Variants in LRRC4C observed in about 807,000 individuals in gnomAD.
LRRC4C encodes the protein leucine rich repeat containing 4C, also known as leucine-rich repeat-containing protein 4C.
A neutral mutation model predicts 33.6 loss-of-function variants in LRRC4C; 5 were observed. The ratio of observed to expected loss-of-function variants is 0.15; its 90% CI spans 0.08 to 0.31. The LOEUF (loss-of-function observed/expected upper bound fraction) is 0.31. Among genes scored for constraint, LRRC4C ranks in the 10% least tolerant of loss-of-function variants. LRRC4C has a pLI of 1.00. For missense variants in LRRC4C, 560 were observed against 796.7 expected, an observed-to-expected ratio of 0.70 and a Z score of 3.58; for synonymous variants, 329 against 302.0, an observed-to-expected ratio of 1.09 and a Z score of -0.93.
chr11:40,175,344 C>T (rs1372782225), intron 5 of LRRC4C, among the ~76,000 whole-genome samples: 5 of 152,218 alleles, frequency 3.3e-5, no homozygotes, highest in Non-Finnish European at 5.9e-5. Flanking sequence ...TGCCTTAACT[C>T]AACATCCAGG....
chr11:41,196,389 C>T (rs1009168242), intron 1 of LRRC4C, among the ~76,000 whole-genome samples: 5 of 152,040 alleles, frequency 3.3e-5, no homozygotes, highest in African/African-American at 1.2e-4. Context: ...AGACACTCAT[C>T]AACATAAGAG....
chr11:40,162,531 C>T (rs1859240433), intron 5 of LRRC4C, among the ~76,000 whole-genome samples: 1 of 152,136 alleles, frequency 6.6e-6, no homozygotes, highest in African/African-American at 2.4e-5. Flanking sequence ...TGGGAGATCA[C>T]TCTGCAACTT....
chr11:40,364,617 C>T (rs1432683701), intron 3 of LRRC4C, among the ~76,000 whole-genome samples: 1 of 151,992 alleles, frequency 6.6e-6, no homozygotes, highest in Non-Finnish European at 1.5e-5. Context: ...GTAAGGATGT[C>T]TCAGAATTGT....
At chr11:40,475,954 A>AT (rs1288221509) in intron 3 of LRRC4C, among the ~76,000 whole-genome samples, 1 of 151,994 alleles carries the variant, frequency 6.6e-6, no homozygotes, top group African/African-American at 2.4e-5. Context: ...AGACTCAATA[A>AT]TTTTTTGCTG....
intron 4 of LRRC4C, among the ~76,000 whole-genome samples, chr11:40,305,000 C>T (rs1320246631): frequency 3.3e-5 from 5 of 152,152 alleles, no homozygotes; most frequent in Admixed American, 6.5e-5. Flanking sequence ...CTCTTGACCT[C>T]GTGATCTACC....
intron 2 of LRRC4C, among the ~76,000 whole-genome samples, chr11:40,844,602 T>A (rs745914001): frequency 1.3e-5 from 2 of 152,190 alleles, no homozygotes; most frequent in Non-Finnish European, 2.9e-5. Context: ...AACTATTAGA[T>A]CAACTAATCT....
chr11:40,342,985 G>C (rs1471570341), intron 3 of LRRC4C, among the ~76,000 whole-genome samples: 1 of 151,936 alleles, frequency 6.6e-6, no homozygotes, highest in Non-Finnish European at 1.5e-5. Flanking sequence ...AAGTATAGTA[G>C]TAATGTTTCT....
chr11:40,371,149 A>G lies in LRRC4C; in HGVS notation c.-269-51428T>C, dbSNP rs1948432030. 2.0e-5 allele frequency among the ~76,000 whole-genome samples: 3 copies of G among 152,214 alleles called. No homozygotes were observed. The South Asian group carries it at 6.2e-4, about 32-fold the overall frequency. On this transcript the variant is annotated intron_variant, in intron 3 of 6. Transcript: ENST00000528697. ...TAGGAACGTTTCCCCAAAACTCTGA[A>G]ACATAAGATTCTTAGTTTTTACACT...
At chr11:40,475,089 A>T (rs373503279) in intron 3 of LRRC4C, among the ~76,000 whole-genome samples, 42 of 152,264 alleles carry the variant, frequency 2.8e-4, no homozygotes, top group East Asian at 9.7e-4. Context: ...TGATCCAGCA[A>T]TCCCTTTACT....
At chr11:41,230,917 A>C (rs866330943) in intron 1 of LRRC4C, among the ~76,000 whole-genome samples, 5 of 150,586 alleles carry the variant, frequency 3.3e-5, no homozygotes, top group Non-Finnish European at 4.4e-5. Context: ...AAAAAAAAAA[A>C]AAAAAACCAA....
intron 3 of LRRC4C, among the ~76,000 whole-genome samples, chr11:40,585,794 A>G (rs1260156832): frequency 7.3e-6 from 1 of 137,490 alleles, no homozygotes; most frequent in Non-Finnish European, 1.6e-5. Flanking sequence ...CCTACAAAGG[A>G]TATGAACTCA....
chr11:40,448,707 C>A (rs1040679173), intron 3 of LRRC4C, among the ~76,000 whole-genome samples: 4 of 152,166 alleles, frequency 2.6e-5, no homozygotes, highest in Non-Finnish European at 5.9e-5. Flanking sequence ...CTGCAATAAA[C>A]ATATGTGTGC....
chr11:41,433,403 G>A (rs541202273), intron 1 of LRRC4C, among the ~76,000 whole-genome samples: 2 of 151,978 alleles, frequency 1.3e-5, no homozygotes, highest in African/African-American at 4.8e-5. Flanking sequence ...ATTCCAAATT[G>A]GGCTTCTATA....
intron 4 of LRRC4C, among the ~76,000 whole-genome samples, chr11:40,245,518 G>A (rs971215513): frequency 6.6e-6 from 1 of 152,078 alleles, no homozygotes; most frequent in Non-Finnish European, 1.5e-5. Context: ...TACAACTTGT[G>A]GCTTTTGATG....
intron 1 of LRRC4C, among the ~76,000 whole-genome samples, chr11:41,263,334 A>T (rs2136755863): frequency 6.6e-6 from 1 of 152,320 alleles, no homozygotes; most frequent in South Asian, 2.1e-4. Context: ...ACAAGTGAGT[A>T]TTCTACTATT....
chr11:40,554,004 T>C (rs186111065), intron 3 of LRRC4C, among the ~76,000 whole-genome samples: 4 of 152,296 alleles, frequency 2.6e-5, no homozygotes, highest in Admixed American at 2.6e-4. Flanking sequence ...GAGGACTTAG[T>C]CATAAATTCT....
At chr11:40,346,327 A>G (rs2137048799) in intron 3 of LRRC4C, among the ~76,000 whole-genome samples, 1 of 152,370 alleles carries the variant, frequency 6.6e-6, no homozygotes, top group South Asian at 2.1e-4. Flanking sequence ...AGACTGGATA[A>G]AGAAAATGTG....
chr11:41,447,831 A>G (rs1017870217), intron 1 of LRRC4C, among the ~76,000 whole-genome samples: 5 of 152,216 alleles, frequency 3.3e-5, no homozygotes, highest in African/African-American at 1.2e-4. Context: ...AAGAAAAAAA[A>G]TCCACACAAA....
intron 5 of LRRC4C, among the ~76,000 whole-genome samples, chr11:40,230,856 A>T (rs1865148941): frequency 6.6e-6 from 1 of 152,170 alleles, no homozygotes. Flanking sequence ...ACAATAGACA[A>T]ATATGTCCAT....
Sources: gnomAD v4.1 joint callset for allele counts (sites outside exome capture counted in the v4.1 genomes callset) on GRCh38, gnomAD v4.1.1 for gene constraint, MANE v1.5 for transcripts, NCBI Gene and HGNC (gene_info 2026-07-23, HGNC 2026-07-21) for gene names.